The following RBL2 variants were observed in gnomAD, a reference collection of about 807,000 sequenced individuals.
RBL2 encodes the protein retinoblastoma-like protein 2.
A neutral mutation model predicts 126.0 loss-of-function variants in RBL2; 56 were observed. That is an observed-to-expected ratio of 0.44 (90% CI 0.36 to 0.56). The LOEUF (loss-of-function observed/expected upper bound fraction) is 0.56, where lower values mean the gene tolerates loss of function less well. Among genes scored for constraint, RBL2 ranks in the 20% least tolerant of loss-of-function variants. The pLI is 0.00. For synonymous variants in RBL2, 454 were observed against 478.5 expected (o/e 0.95, Z 0.67); for missense variants, 1,229 against 1,398.2 (o/e 0.88, Z 1.93).
intron 11 of RBL2, among the ~76,000 whole-genome samples, chr16:53,463,539 C>T (rs1226903510): frequency 3.3e-5 from 5 of 150,522 alleles, no homozygotes. Flanking sequence ...ACCTGCCTGG[C>T]CCCTTTCAAT....
chr16:53,434,751 G>T lies in RBL2; in HGVS notation c.195G>T (p.Glu65Asp), dbSNP rs1026684958. 1.9e-6 allele frequency: 3 copies of T among 1,541,624 alleles called. No homozygotes were observed. Among genetic ancestry groups the T allele is most frequent in the African/African-American group, 1.4e-5 (1 of 72,646 alleles). Residue 65 changes from glutamate (E) to aspartate (D), a missense_variant, in exon 1 of 22, where the codon GAG becomes GAT. Glu to Asp is a conservative substitution (Grantham distance 45). Transcript: ENST00000262133. ...ACATGGACGAGGCGGCGCGGGCCGA[G>T]GCCTGGGACAGCTACCGCAGCATGA... The part of the protein sequence containing the change: ...RLNMDEAARA[E>D]AWDSYRSMSE...
intron 7 of RBL2, 128 bp downstream of exon 7, chr16:53,453,897 A>T (rs999201711): frequency 1.3e-6 from 1 of 790,664 alleles, no homozygotes; most frequent in African/African-American, 1.8e-5. Context: ...ACAGGGAAGC[A>T]AAAATTCTGT....
chr16:53,436,386 TTACTC>T (rs1442148591), intron 1 of RBL2, among the ~76,000 whole-genome samples: 2 of 152,208 alleles, frequency 1.3e-5, no homozygotes, highest in African/African-American at 4.8e-5. Flanking sequence ...ACATGTTTGA[TTACTC>T]AATTCTTTTG....
rs929485527 is a variant in RBL2, at chr16:53,491,190, G to A, written c.*890G>A. 1 of 152,148 alleles carries A rather than the reference G, an allele frequency of 6.6e-6. No individual in the cohort carries two copies. The highest frequency in any genetic ancestry group is 1.5e-5 in the Non-Finnish European group (1 of 68,030). 9.4% of individuals were successfully genotyped at this position (152,148 alleles called of 1,614,324 possible). ...AAGATTTTAATCAAGTTGAATTGAG[G>A]GGATTAATATGAAAACTTATGACCT... On this transcript the variant is annotated 3_prime_UTR_variant, in exon 22 of 22. Coordinates refer to ENST00000262133, the MANE Select transcript of RBL2 (RefSeq NM_005611.4).
chr16:53,449,267 T>G (rs573964363), intron 4 of RBL2: 1 of 152,334 alleles, frequency 6.6e-6, no homozygotes, highest in East Asian at 1.9e-4. Context: ...ATATGTGTAC[T>G]TAGAAGTAAA....
rs1435906781 is a variant in RBL2, at chr16:53,491,490, AAGTT to A, written c.*1192_*1195del. The A allele has an allele frequency of 6.6e-6, 1 of 152,598 alleles. No individual in the cohort carries two copies. Among genetic ancestry groups the A allele is most frequent in the Admixed American group, 6.5e-5 (1 of 15,280 alleles). The allele number at this position is 152,598 out of a possible 1,614,324, so 9.5% of individuals were successfully genotyped here. On this transcript the variant is annotated 3_prime_UTR_variant, in exon 22 of 22. Transcript: ENST00000262133. Reference sequence around the variant, plus strand: ...ATTGTAAATTGAATCAGTATAAACAAAGTTACTAGGTAACTTCATATTGCTGAGA... The same window carrying A: ...ATTGTAAATTGAATCAGTATAAACAAACTAGGTAACTTCATATTGCTGAGA...
rs75424279 is a variant in RBL2, at chr16:53,483,943, A to G, written c.3249+2108A>G. ...TATCATAGTAAAAAAAAAAAAAAAA[A>G]GGTGTAAAGGTGTCACGTGCTTTGG... On this transcript the variant is annotated intron_variant, in intron 21 of 21. Coordinates refer to ENST00000262133, the MANE Select transcript of RBL2 (RefSeq NM_005611.4). Among the ~76,000 whole-genome samples, 144 of 141,498 alleles carry G rather than the reference A, an allele frequency of 1.0e-3. 4 individuals carry two copies. The highest frequency in any genetic ancestry group is 3.3e-3 in the African/African-American group (122 of 37,282). 92.8% of individuals were successfully genotyped at this position (141,498 alleles called of 152,430 possible).
intron 21 of RBL2, chr16:53,489,442 GACAGACGA>G (rs1406687253): frequency 2.0e-5 from 3 of 152,190 alleles, no homozygotes; most frequent in African/African-American, 7.2e-5. Context: ...AAAATAATGT[GACAGACGA>G]CTTTTAGAGG....
intron 21 of RBL2, among the ~76,000 whole-genome samples, chr16:53,483,600 GTAA>G (rs1464453483): frequency 6.6e-6 from 1 of 152,016 alleles, no homozygotes; most frequent in Non-Finnish European, 1.5e-5. Context: ...GTTAGAAAAT[GTAA>G]TAATGGGCCA....
chr16:53,434,884 G>T, intron 1 of RBL2, 88 bp downstream of exon 1: 2 of 1,392,956 alleles, frequency 1.4e-6, no homozygotes, highest in Non-Finnish European at 1.9e-6. Flanking sequence ...AGAGACTCTC[G>T]GGCGGGTTGC....
At chr16:53,453,663 T>A in intron 6 of RBL2, 42 bp from the exon 7 acceptor site, 1 of 1,602,090 alleles carries the variant, frequency 6.2e-7, no homozygotes, top group Non-Finnish European at 8.5e-7. Flanking sequence ...GAGAAAAACT[T>A]GATTTAACAT....
chr16:53,447,637 G>GTATT (rs770577025), intron 4 of RBL2, among the ~76,000 whole-genome samples: 96 of 151,350 alleles, frequency 6.3e-4, no homozygotes, highest in Middle Eastern at 3.4e-3. Flanking sequence ...TGTCCTTTTT[G>GTATT]TATTTATTTA....
At chr16:53,483,896 G>A (rs1181461514) in intron 21 of RBL2, among the ~76,000 whole-genome samples, 2 of 138,672 alleles carry the variant, frequency 1.4e-5, no homozygotes, top group African/African-American at 5.4e-5. Flanking sequence ...AACAGAAAAT[G>A]TAATAATGGA....
At chr16:53,453,326 T>A (rs978012891) in intron 5 of RBL2, 126 bp from the exon 6 acceptor site, 21 of 819,050 alleles carry the variant, frequency 2.6e-5, no homozygotes, top group Non-Finnish European at 3.5e-5. Context: ...GGCCCATATA[T>A]ACTGTTTCCT....
At chr16:53,476,722 A>G (rs1960738743) in intron 17 of RBL2, among the ~76,000 whole-genome samples, 1 of 152,128 alleles carries the variant, frequency 6.6e-6, no homozygotes, top group African/African-American at 2.4e-5. Flanking sequence ...TCCTTTTATC[A>G]TTATGGAATG....
chr16:53,442,382 T>C (rs1224113262), intron 2 of RBL2, among the ~76,000 whole-genome samples: 1 of 152,216 alleles, frequency 6.6e-6, no homozygotes, highest in Non-Finnish European at 1.5e-5. Context: ...ACGTGAATGT[T>C]GGTTAGGTTA....
chr16:53,453,418 T>C, intron 5 of RBL2, 34 bp from the exon 6 acceptor site: 1 of 1,585,052 alleles, frequency 6.3e-7, no homozygotes, highest in Non-Finnish European at 8.6e-7. Context: ...TATTGTGTGC[T>C]GATATCTCTG....
intron 2 of RBL2, among the ~76,000 whole-genome samples, chr16:53,440,716 G>C (rs1451017084): frequency 6.6e-6 from 1 of 151,996 alleles, no homozygotes; most frequent in African/African-American, 2.4e-5. Flanking sequence ...ACCACACCTG[G>C]CTAATTTTTT....
chr16:53,434,625 G>C lies in RBL2; in HGVS notation c.69G>C (p.Glu23Asp), dbSNP rs1002493120. The change falls in exon 1 of 22, where the codon GAG becomes GAC. Residue 23 changes from glutamate (E) to aspartate (D), a missense_variant. This residue lies in a region of RBL2 where 159 missense variants were observed against 123.9 expected (regional missense o/e 1.28). Transcript: ENST00000262133. The stretch of plus-strand genomic sequence containing the variant: ...CTCCGGCGGCGGCAGCCTCGGATGA[G>C]GAGGAGGAGGACGACGGCGAGGCGG... ...PPPPAAAASD[E>D]EEEDDGEAED... The C allele has an allele frequency of 6.4e-7, 1 of 1,558,498 alleles. No homozygotes were observed. The highest frequency in any genetic ancestry group is 1.4e-5 in the African/African-American group (1 of 72,362).
Sources: gnomAD v4.1 joint callset for allele counts (sites outside exome capture counted in the v4.1 genomes callset) on GRCh38, gnomAD v4.1.1 for gene constraint, gnomAD v4.1.1 regional missense constraint, MANE v1.5 for transcripts, NCBI Gene and HGNC (gene_info 2026-07-23, HGNC 2026-07-21) for gene names.